MPDZ: variants seen among roughly 807,000 people sequenced by gnomAD.
MPDZ encodes the protein multiple PDZ domain protein.
MPDZ carries 234 observed loss-of-function variants against 239.1 expected under a neutral mutation model. The ratio of observed to expected loss-of-function variants is 0.98; its 90% CI spans 0.88 to 1.09. The LOEUF (loss-of-function observed/expected upper bound fraction) is 1.09. MPDZ is among the 50% of genes least tolerant of loss of function. The pLI, the probability that MPDZ is intolerant of heterozygous loss-of-function variation, is 0.00. For synonymous variants in MPDZ, 1,048 were observed against 881.3 expected (o/e 1.19, Z -3.35); for missense variants, 3,175 against 2,510.0 (o/e 1.26, Z -5.66).
Position 13,138,142 on chromosome 9 carries a change from C to T in MPDZ, c.4015G>A (p.Glu1339Lys), listed in dbSNP as rs751070115. 3.2e-6 allele frequency: 5 copies of T among 1,580,878 alleles called. No homozygotes were observed. The highest frequency in any genetic ancestry group is 4.3e-6 in the Non-Finnish European group (5 of 1,163,644). ...TCGCCTGTTAGGGTTCCATAACGCT[C>T]TCTGATATTTTCTACATACAACAAC... ...EFGYSWKNIR[E>K]RYGTLTGELH... The change falls in exon 29 of 47, where the codon GAG becomes AAG. Residue 1339 changes from glutamate (E) to lysine (K), a missense_variant. By Grantham distance (56) the Glu-to-Lys change is moderately conservative. Transcript: ENST00000319217.
chr9:13,192,380 T>C (rs1035924768), intron 14 of MPDZ, 85 bp from the exon 15 acceptor site: 8 of 1,213,340 alleles, frequency 6.6e-6, no homozygotes, highest in Middle Eastern at 2.6e-4. Context: ...TAAATATAAA[T>C]TTTACTATAG....
At chr9:13,272,889 C>T (rs368102643) in intron 1 of MPDZ, among the ~76,000 whole-genome samples, 1 of 151,964 alleles carries the variant, frequency 6.6e-6, no homozygotes, top group Non-Finnish European at 1.5e-5. Context: ...ATTAAGGGGG[C>T]TGCTATGGTC....
intron 22 of MPDZ, among the ~76,000 whole-genome samples, chr9:13,164,363 A>G (rs538917100): frequency 3.0e-4 from 45 of 152,330 alleles, no homozygotes; most frequent in African/African-American, 1.1e-3. Flanking sequence ...ATGTCAGGAA[A>G]GAAGACTGAT....
intron 1 of MPDZ, among the ~76,000 whole-genome samples, chr9:13,273,781 CTAT>C (rs1250960935): frequency 6.6e-6 from 1 of 152,128 alleles, no homozygotes; most frequent in Non-Finnish European, 1.5e-5. Flanking sequence ...TAAACATTGA[CTAT>C]TAACACTTAA....
At position 13,193,321 on chromosome 9, in the gene MPDZ, G is replaced by GAAA; in HGVS notation, c.1657-11_1657-9dup. 7 of 1,214,304 alleles carry GAAA rather than the reference G, an allele frequency of 5.8e-6. No individual in the cohort carries two copies. Among genetic ancestry groups the GAAA allele is most frequent in the Non-Finnish European group, 6.7e-6 (6 of 898,764 alleles). 75.2% of individuals were successfully genotyped at this position (1,214,304 alleles called of 1,614,324 possible). A position where few individuals can be genotyped will look rare whatever the true frequency, so the allele number is the denominator to read the frequency against. On this transcript the variant is annotated splice_polypyrimidine_tract_variant and intron_variant, in intron 13 of 46. Transcript: ENST00000319217. ...CTTGCTCACATGGGCCACCTGAAAA[G>GAAA]AAAAAAAAAAAGATCACCACAATTT...
At chr9:13,199,538 T>C (rs181022128) in intron 12 of MPDZ, among the ~76,000 whole-genome samples, 2 of 152,136 alleles carry the variant, frequency 1.3e-5, no homozygotes, top group Non-Finnish European at 2.9e-5. Context: ...AGTACTTATG[T>C]TGAAAAAAAG....
At position 13,206,034 on chromosome 9, in the gene MPDZ, T is replaced by C. The variant is rs780617298; in HGVS notation, c.1356A>G (p.Gly452=). The C allele has an allele frequency of 8.7e-6, 14 of 1,612,706 alleles. No individual in the cohort carries two copies. The highest frequency in any genetic ancestry group is 1.6e-4 in the Middle Eastern group (1 of 6,082). ...TCATTAGTGTCAGGAGCACAGTTTG[T>C]CCTGTATGTCGCAATACCTCTACTG... is the stretch of plus-strand genomic sequence containing the variant. ...QQAVEVLRHT[G]QTVLLTLMRR... Residue 452 remains glycine (G), a synonymous_variant, in exon 11 of 47, where the codon GGA becomes GGG. Coordinates refer to ENST00000319217, the MANE Select transcript of MPDZ (RefSeq NM_001378778.1).
intron 40 of MPDZ, among the ~76,000 whole-genome samples, chr9:13,114,792 C>T (rs1053934962): frequency 6.6e-6 from 1 of 151,674 alleles, no homozygotes; most frequent in Non-Finnish European, 1.5e-5. Context: ...CCCAGCTACT[C>T]GGGAAGTAGA....
chr9:13,268,152 T>TTATATATATATATATA (rs71491605), intron 1 of MPDZ, among the ~76,000 whole-genome samples: 2 of 146,904 alleles, frequency 1.4e-5, no homozygotes, highest in African/African-American at 5.0e-5. Context: ...AAAAGGAAAA[T>TTATATATATATATATA]TATATATATA....
intron 27 of MPDZ, among the ~76,000 whole-genome samples, chr9:13,143,079 T>C (rs971308517): frequency 6.6e-6 from 1 of 152,116 alleles, no homozygotes; most frequent in African/African-American, 2.4e-5. Flanking sequence ...GCTTTTATGA[T>C]CACCTTGTAG....
At chr9:13,186,849 C>A (rs892159581) in intron 17 of MPDZ, among the ~76,000 whole-genome samples, 4 of 152,068 alleles carry the variant, frequency 2.6e-5, no homozygotes, top group African/African-American at 4.8e-5. Flanking sequence ...TCATCCCTTA[C>A]AAGAATATTA....
At chr9:13,208,983 G>C (rs927146823) in intron 10 of MPDZ, among the ~76,000 whole-genome samples, 32 of 152,084 alleles carry the variant, frequency 2.1e-4, no homozygotes, top group Admixed American at 5.2e-4. Context: ...AAGCACCAAG[G>C]TCCTTAGACC....
intron 26 of MPDZ, 143 bp from the exon 27 acceptor site, chr9:13,143,707 TA>T (rs1183846909): frequency 1.5e-6 from 1 of 676,236 alleles, no homozygotes; most frequent in Non-Finnish European, 2.7e-6. Flanking sequence ...AGCAACATCT[TA>T]AAACAGTCTG....
intron 1 of MPDZ, among the ~76,000 whole-genome samples, chr9:13,277,256 C>G (rs1974435615): frequency 6.6e-6 from 1 of 150,504 alleles, no homozygotes; most frequent in African/African-American, 2.5e-5. Context: ...GGTAAAGGGA[C>G]AAAGAAAACC....
intron 11 of MPDZ, 70 bp from the exon 12 acceptor site, chr9:13,205,177 G>GTA (rs1345750798): frequency 6.0e-6 from 5 of 829,672 alleles, no homozygotes; most frequent in Non-Finnish European, 7.0e-6. Flanking sequence ...TCTAAACCCA[G>GTA]TATATTTATT....
intron 27 of MPDZ, among the ~76,000 whole-genome samples, chr9:13,141,638 A>C (rs1476259785): frequency 2.0e-5 from 3 of 152,166 alleles, no homozygotes; most frequent in Non-Finnish European, 4.4e-5. Context: ...GGATACATTA[A>C]ATGATAAACA....
chr9:13,183,516 T>G lies in MPDZ; in HGVS notation c.2551A>C (p.Ser851Arg). 6.2e-7 allele frequency: 1 copy of G among 1,612,562 alleles called. No homozygotes were observed. Among genetic ancestry groups the G allele is most frequent in the Non-Finnish European group, 8.5e-7 (1 of 1,179,066 alleles). Residue 851 changes from serine (S) to arginine (R), a missense_variant, in exon 19 of 47, where the codon AGC (serine) becomes CGC (arginine). By Grantham distance (110) the Ser-to-Arg change is moderately radical (BLOSUM62 -1). Coordinates refer to ENST00000319217, the MANE Select transcript of MPDZ (RefSeq NM_001378778.1). ...ATAGAGGCTTGAGTAGAGTAGATGC[T>G]GTCATTTTCAGGAGAGTATGGAGAC... ...FESPYSPEND[S>R]IYSTQASILS...
chr9:13,122,722 G>C (rs1378825733), intron 36 of MPDZ, among the ~76,000 whole-genome samples: 1 of 151,972 alleles, frequency 6.6e-6, no homozygotes, highest in East Asian at 1.9e-4. Context: ...TTGCCATGTT[G>C]AACAGGCTGA....
chr9:13,207,232 A>T (rs1476783031), intron 10 of MPDZ, among the ~76,000 whole-genome samples: 1 of 152,180 alleles, frequency 6.6e-6, no homozygotes, highest in East Asian at 1.9e-4. Context: ...ACATTCAAAA[A>T]TGTCCCGGTG....
Sources: allele counts gnomAD v4.1 joint callset (sites outside exome capture counted in the v4.1 genomes callset), GRCh38; gene constraint gnomAD v4.1.1; transcripts MANE v1.5; gene names NCBI Gene and HGNC (gene_info 2026-07-23, HGNC 2026-07-21).